The following CRADD variants were observed in gnomAD, a reference collection of about 807,000 sequenced individuals.
CRADD encodes death domain-containing protein CRADD.
A neutral mutation model predicts 15.5 loss-of-function variants in CRADD; 9 were observed. That is an observed-to-expected ratio of 0.58 (90% CI 0.35 to 1.01). The LOEUF (loss-of-function observed/expected upper bound fraction) is 1.01. Ranked by LOEUF, CRADD falls within the 50% of genes least tolerant of loss-of-function variation. CRADD has a pLI of 0.02. For missense variants in CRADD, 227 were observed against 250.3 expected (o/e 0.91, Z 0.63); for synonymous variants, 118 against 107.6 (o/e 1.10, Z -0.60).
intron 2 of CRADD, chr12:93,837,277 G>GTTT: frequency 7.0e-6 from 1 of 143,708 alleles, no homozygotes; most frequent in Non-Finnish European, 1.5e-5. Context: ...GTTTGTTTTT[G>GTTT]TTTTTTTTTT....
chr12:93,870,813 G>C (rs888368550), intron 2 of CRADD, among the ~76,000 whole-genome samples: 5 of 152,220 alleles, frequency 3.3e-5, no homozygotes, highest in African/African-American at 4.8e-5. Context: ...AGAGAGAAAG[G>C]CAGGCCATAG....
At chr12:93,699,205 C>A (rs951264440) in intron 2 of CRADD, among the ~76,000 whole-genome samples, 1 of 152,146 alleles carries the variant, frequency 6.6e-6, no homozygotes, top group African/African-American at 2.4e-5. Flanking sequence ...GGCCTTTCTT[C>A]AGGGTAAACT....
At chr12:93,768,999 T>C (rs1957055124) in intron 2 of CRADD, among the ~76,000 whole-genome samples, 1 of 152,260 alleles carries the variant, frequency 6.6e-6, no homozygotes, top group Non-Finnish European at 1.5e-5. Context: ...TATTTGTTTA[T>C]TCATTCTCAT....
At chr12:93,713,533 C>T (rs1032163892) in intron 2 of CRADD, among the ~76,000 whole-genome samples, 1 of 152,076 alleles carries the variant, frequency 6.6e-6, no homozygotes, top group Admixed American at 6.6e-5. Context: ...CTCCTGTATA[C>T]TTTAAATCAT....
chr12:93,849,666 A>G (rs1475507865), intron 2 of CRADD, among the ~76,000 whole-genome samples: 2 of 151,024 alleles, frequency 1.3e-5, no homozygotes, highest in East Asian at 3.9e-4. Flanking sequence ...ACTTCAACCC[A>G]GGAGGTGGAG....
At chr12:93,836,933 G>A (rs1409558470) in intron 2 of CRADD, among the ~76,000 whole-genome samples, 2 of 152,134 alleles carry the variant, frequency 1.3e-5, no homozygotes, top group Admixed American at 6.5e-5. Flanking sequence ...TATATCACAC[G>A]TTACAAGGTG....
intron 2 of CRADD, among the ~76,000 whole-genome samples, chr12:93,710,345 CT>C (rs34912218): frequency 0.047 from 5,963 of 128,160 alleles, 334 homozygotes; most frequent in African/African-American, 0.16. Context: ...TTTCCTTTTC[CT>C]TTTTTTTTTT....
intron 2 of CRADD, among the ~76,000 whole-genome samples, chr12:93,726,767 G>A (rs1454476762): frequency 6.6e-6 from 1 of 152,024 alleles, no homozygotes; most frequent in Non-Finnish European, 1.5e-5. Context: ...TGGCAACTTT[G>A]TGAATTGTGG....
intron 2 of CRADD, among the ~76,000 whole-genome samples, chr12:93,820,176 T>C (rs1310909557): frequency 6.6e-6 from 1 of 152,330 alleles, no homozygotes; most frequent in South Asian, 2.1e-4. Flanking sequence ...TGTCTTTTTT[T>C]TCCTCCACAG....
intron 2 of CRADD, chr12:93,846,590 A>ACACACACGCACG (rs762173726): frequency 1.4e-5 from 2 of 145,758 alleles, no homozygotes; most frequent in South Asian, 2.4e-4. Flanking sequence ...GAACACACAC[A>ACACACACGCACG]CACACACACA....
At chr12:93,694,255 G>A (rs190960979) in intron 2 of CRADD, among the ~76,000 whole-genome samples, 4 of 152,162 alleles carry the variant, frequency 2.6e-5, no homozygotes, top group African/African-American at 9.6e-5. Context: ...AAAAGCTTTC[G>A]ACAAATGTCA....
At chr12:93,776,415 T>G (rs186891464) in intron 2 of CRADD, among the ~76,000 whole-genome samples, 1 of 152,248 alleles carries the variant, frequency 6.6e-6, no homozygotes, top group East Asian at 1.9e-4. Flanking sequence ...TATTTAAAAT[T>G]TTGATAGATA....
chr12:93,681,896 TAG>T (rs1402230926), intron 2 of CRADD, among the ~76,000 whole-genome samples: 14 of 152,242 alleles, frequency 9.2e-5, no homozygotes, highest in African/African-American at 3.1e-4. Context: ...TATATGTATA[TAG>T]AGAGAGATAT....
chr12:93,826,022 G>A (rs1436385756), intron 2 of CRADD, among the ~76,000 whole-genome samples: 1 of 152,196 alleles, frequency 6.6e-6, no homozygotes, highest in Non-Finnish European at 1.5e-5. Flanking sequence ...TGAATGGCAG[G>A]GCTGAACTGT....
intron 2 of CRADD, among the ~76,000 whole-genome samples, chr12:93,831,612 G>A (rs1038258248): frequency 2.0e-5 from 3 of 152,228 alleles, no homozygotes; most frequent in African/African-American, 4.8e-5. Flanking sequence ...TCTCTTAAAC[G>A]ATACTTCTTG....
At chr12:93,677,555 C>A (rs143933325) in intron 1 of CRADD, 83 bp downstream of exon 1, 2 of 152,290 alleles carry the variant, frequency 1.3e-5, no homozygotes, top group Non-Finnish European at 2.9e-5. Context: ...TTCCCCGCCC[C>A]GCTAACTTGC....
rs751396406 is a variant in CRADD at position 93,850,244 on chromosome 12, C to T, written c.573C>T (p.Pro191=). 2.5e-6 allele frequency: 4 copies of T among 1,605,618 alleles called. No homozygotes were observed. Among genetic ancestry groups the T allele is most frequent in the Non-Finnish European group, 3.4e-6 (4 of 1,175,768 alleles). Reference sequence around the variant, plus strand: ...GGCTGCGGGCTGTGGAGGTGGACCCCTCGCTGCTCCTGCACATGTTGGAGT... The same window carrying T: ...GGCTGCGGGCTGTGGAGGTGGACCCTTCGCTGCTCCTGCACATGTTGGAGT... ...HNGLRAVEVD[P]SLLLHMLE is the part of the protein sequence containing the mutation. The change falls in exon 3 of 3, where the codon CCC becomes CCT. Residue 191 remains proline, a synonymous_variant. Coordinates refer to ENST00000332896, the MANE Select transcript of CRADD (RefSeq NM_003805.5). This position sits in a 1 kb window ranked among gnomAD's most constrained non-coding sequence, Gnocchi z 4.0.
chr12:93,787,967 C>T (rs1366952117), intron 2 of CRADD, among the ~76,000 whole-genome samples: 5 of 152,104 alleles, frequency 3.3e-5, no homozygotes, highest in Non-Finnish European at 7.4e-5. Context: ...TGGTAATTAT[C>T]CTGTCTTTTC....
At chr12:93,722,665 C>G (rs1956284912) in intron 2 of CRADD, among the ~76,000 whole-genome samples, 1 of 152,068 alleles carries the variant, frequency 6.6e-6, no homozygotes, top group Admixed American at 6.6e-5. Flanking sequence ...TGTTTTTGAT[C>G]CTTAACATTT....
Sources: allele counts gnomAD v4.1 joint callset (sites outside exome capture counted in the v4.1 genomes callset), GRCh38; gene constraint gnomAD v4.1.1; non-coding constraint Gnocchi (gnomAD v3.1); transcripts MANE v1.5; gene names NCBI Gene and HGNC (gene_info 2026-07-23, HGNC 2026-07-21).